The following CRTAM variants were observed in gnomAD, a reference collection of about 807,000 sequenced individuals.
CRTAM encodes cytotoxic and regulatory T-cell molecule.
CRTAM carries 44 observed loss-of-function variants against 50.0 expected under a neutral mutation model. The ratio of observed to expected loss-of-function variants is 0.88; its 90% CI spans 0.69 to 1.13. The LOEUF (loss-of-function observed/expected upper bound fraction) is 1.13. Ranked by LOEUF, CRTAM falls within the 50% of genes most tolerant of loss-of-function variation. The pLI is 0.00. For missense variants in CRTAM, 448 were observed against 457.5 expected, an observed-to-expected ratio of 0.98 and a Z score of 0.19; for synonymous variants, 159 against 169.3, an observed-to-expected ratio of 0.94 and a Z score of 0.47.
chr11:122,846,273 T>C (rs1439181513), intron 1 of CRTAM, among the ~76,000 whole-genome samples: 2 of 152,178 alleles, frequency 1.3e-5, no homozygotes. Context: ...ATTTATGTGA[T>C]GAAGAGAAGA....
intron 1 of CRTAM, among the ~76,000 whole-genome samples, chr11:122,847,023 A>G (rs748575275): frequency 6.6e-6 from 1 of 152,222 alleles, no homozygotes; most frequent in Non-Finnish European, 1.5e-5. Flanking sequence ...TTTTCAAATA[A>G]TTATTAAGCA....
At chr11:122,856,960 T>C (rs749351608) in intron 5 of CRTAM, among the ~76,000 whole-genome samples, 11 of 142,896 alleles carry the variant, frequency 7.7e-5, no homozygotes, top group Non-Finnish European at 1.2e-4. Context: ...AACTGAAGCA[T>C]AGGGCATGTG....
chr11:122,865,043 A>AT lies in CRTAM; in HGVS notation c.817+332dup, dbSNP rs980680693. 1.6e-4 allele frequency among the ~76,000 whole-genome samples: 24 copies of AT among 150,336 alleles called. No homozygotes were observed. In the South Asian group the frequency reaches 1.9e-3, roughly 12 times the overall value. On this transcript the variant is annotated intron_variant, in intron 7 of 9. Transcript: ENST00000227348. ...TCTTCCCTTTTTTTTATATATATAT[A>AT]TTTTTTTTGTGAGACAGAGTTTCTT...
chr11:122,863,308 AAAG>A lies in CRTAM; in HGVS notation c.733+767_733+769del, dbSNP rs1381164326. Among the ~76,000 whole-genome samples, 7 of 120,868 alleles carry A rather than the reference AAAG, an allele frequency of 5.8e-5. No homozygotes were observed. The South Asian group carries it at 7.9e-4, about 14-fold the overall frequency. 79.3% of individuals were successfully genotyped at this position (120,868 alleles called of 152,430 possible). ...AGAAAAAGAAAGAAAGAGAGAAAGAAAAGAAAGAAAGAAAAAGAAAGAAAGAAA... is the reference window on the plus strand; with the variant it reads ...AGAAAAAGAAAGAAAGAGAGAAAGAAAAAGAAAGAAAAAGAAAGAAAGAAA... On this transcript the variant is annotated intron_variant, in intron 6 of 9. Coordinates refer to ENST00000227348, the MANE Select transcript of CRTAM (RefSeq NM_019604.4).
At chr11:122,844,059 A>G (rs1005006246) in intron 1 of CRTAM, among the ~76,000 whole-genome samples, 6 of 152,230 alleles carry the variant, frequency 3.9e-5, no homozygotes, top group Admixed American at 2.6e-4. Context: ...CTATGCCTCA[A>G]ACACAGCCCT....
In CRTAM at chr11:122,868,186, ATATG is replaced by A. The variant is rs1369730225; in HGVS notation, c.1051+89_1051+92del. On this transcript the variant is annotated intron_variant, in intron 9 of 9. Coordinates refer to ENST00000227348, the MANE Select transcript of CRTAM (RefSeq NM_019604.4). Reference sequence around the variant, plus strand: ...TCTCCAGAGAGACAGAGACAACAGAATATGTGTGTGTGTGTGTGTGTGTGTGTGT... The same window carrying A: ...TCTCCAGAGAGACAGAGACAACAGAATGTGTGTGTGTGTGTGTGTGTGTGT... 472 of 630,758 alleles carry A rather than the reference ATATG, an allele frequency of 7.5e-4. 3 individuals are homozygous for A. The highest frequency in any genetic ancestry group is 1.1e-3 in the Non-Finnish European group (389 of 352,048). The allele number at this position is 630,758 out of a possible 1,614,324, so 39.1% of individuals were successfully genotyped here. A position where few individuals can be genotyped will look rare whatever the true frequency, so the allele number is the denominator to read the frequency against.
intron 3 of CRTAM, among the ~76,000 whole-genome samples, chr11:122,853,583 G>T (rs2135239179): frequency 6.6e-6 from 1 of 151,918 alleles, no homozygotes; most frequent in Non-Finnish European, 1.5e-5. Flanking sequence ...CACTTTGGGA[G>T]GTGGAGGCGG....
intron 1 of CRTAM, among the ~76,000 whole-genome samples, chr11:122,843,056 A>G (rs1861818669): frequency 6.6e-6 from 1 of 152,232 alleles, no homozygotes. Flanking sequence ...TAGTAGAGGT[A>G]AAGATTGCAC....
At chr11:122,851,645 T>G (rs767889418) in intron 2 of CRTAM, 48 bp from the exon 3 acceptor site, 1 of 1,590,098 alleles carries the variant, frequency 6.3e-7, no homozygotes, top group Non-Finnish European at 8.6e-7. Flanking sequence ...AGGCCAACGA[T>G]TCATCGGATA....
Position 122,871,401 on chromosome 11 carries a change from G to T in CRTAM, c.*2G>T, listed in dbSNP as rs777660086. The T allele has an allele frequency of 5.6e-6, 9 of 1,610,334 alleles. No individual in the cohort carries two copies. The East Asian group carries it at 2.0e-4, about 36-fold the overall frequency. On this transcript the variant is annotated 3_prime_UTR_variant, in exon 10 of 10. Transcript: ENST00000227348. ...CAAGTACCAGAGAGTATTGTGTAGT[G>T]CTCTCTGCAATGGAACATGTGATTT...
At chr11:122,844,917 G>C (rs1330322773) in intron 1 of CRTAM, among the ~76,000 whole-genome samples, 1 of 152,206 alleles carries the variant, frequency 6.6e-6, no homozygotes, top group Non-Finnish European at 1.5e-5. Flanking sequence ...GCTATTTGCT[G>C]TTGGTGAAAT....
At chr11:122,849,493 G>A (rs534876328) in intron 1 of CRTAM, among the ~76,000 whole-genome samples, 1 of 152,244 alleles carries the variant, frequency 6.6e-6, no homozygotes, top group Non-Finnish European at 1.5e-5. Context: ...AGGCCGAGGT[G>A]GGCAGATGAC....
chr11:122,854,084 C>A lies in CRTAM; in HGVS notation c.488C>A (p.Ser163Tyr), dbSNP rs773576858. ...TWLLGNSMEV[S>Y]GGTLHEFETD... ...CTACTTGGGAATAGCATGGAAGTGTCCGGTAAGGGGAGAAATGGTTCTCTT... is the reference window on the plus strand; with the variant it reads ...CTACTTGGGAATAGCATGGAAGTGTACGGTAAGGGGAGAAATGGTTCTCTT... The change falls in exon 4 of 10, where the codon TCC (serine) becomes TAC (tyrosine). Residue 163 changes from serine to tyrosine, a missense_variant and splice_region_variant. By Grantham distance (144) the Ser-to-Tyr change is moderately radical (BLOSUM62 -2). Coordinates refer to ENST00000227348, the MANE Select transcript of CRTAM (RefSeq NM_019604.4). The A allele has an allele frequency of 1.9e-6, 3 of 1,611,022 alleles. No homozygotes were observed. The highest frequency in any genetic ancestry group is 1.7e-6 in the Non-Finnish European group (2 of 1,179,028).
chr11:122,850,403 A>C (rs1035808071), intron 2 of CRTAM, among the ~76,000 whole-genome samples, 189 bp downstream of exon 2: 12 of 152,208 alleles, frequency 7.9e-5, no homozygotes, highest in African/African-American at 2.9e-4. Flanking sequence ...GGGGGCAGGA[A>C]CTGTGAAATG....
At chr11:122,855,169 C>G (rs974032238) in intron 4 of CRTAM, among the ~76,000 whole-genome samples, 1 of 152,190 alleles carries the variant, frequency 6.6e-6, no homozygotes, top group Non-Finnish European at 1.5e-5. Context: ...GTCTCGAACC[C>G]CTGACCTCAG....
intron 1 of CRTAM, among the ~76,000 whole-genome samples, chr11:122,848,772 A>G (rs893083241): frequency 2.0e-5 from 3 of 152,174 alleles, no homozygotes; most frequent in Admixed American, 1.3e-4. Context: ...TACATTTGCT[A>G]TTCATAATTT....
At position 122,854,073 on chromosome 11, in the gene CRTAM, C is replaced by T. The variant is rs1444535488; in HGVS notation, c.477C>T (p.Ser159=). ...PPQITWLLGN[S]MEVSGGTLHE... ...AGATAACCTGGCTACTTGGGAATAG[C>T]ATGGAAGTGTCCGGTAAGGGGAGAA... Residue 159 remains serine, a synonymous_variant, in exon 4 of 10, where the codon AGC becomes AGT. Transcript: ENST00000227348. The T allele has an allele frequency of 6.2e-7, 1 of 1,613,328 alleles. No individual in the cohort carries two copies. The highest frequency in any genetic ancestry group is 1.1e-5 in the South Asian group (1 of 90,868).
Position 122,851,606 on chromosome 11 carries a change from G to A in CRTAM, c.194-87G>A. On this transcript the variant is annotated intron_variant, in intron 2 of 9. Coordinates refer to ENST00000227348, the MANE Select transcript of CRTAM (RefSeq NM_019604.4). ...TTGATTGTGCCAAATGTAGAAAGCG[G>A]GGCAGTGCTTCTGGCATCTACTGGG... 3.5e-6 allele frequency: 4 copies of A among 1,155,140 alleles called. No individual in the cohort carries two copies. In the South Asian group the frequency reaches 4.0e-5, roughly 11 times the overall value. 71.6% of individuals were successfully genotyped at this position (1,155,140 alleles called of 1,614,324 possible).
At chr11:122,859,445 A>G (rs1241326685) in intron 5 of CRTAM, among the ~76,000 whole-genome samples, 1 of 151,832 alleles carries the variant, frequency 6.6e-6, no homozygotes, top group Non-Finnish European at 1.5e-5. Flanking sequence ...AAAAAAGTAT[A>G]TTTTGTAACA....
Sources: gnomAD v4.1 joint callset for allele counts (sites outside exome capture counted in the v4.1 genomes callset) on GRCh38, gnomAD v4.1.1 for gene constraint, MANE v1.5 for transcripts, NCBI Gene and HGNC (gene_info 2026-07-23, HGNC 2026-07-21) for gene names.